CLASP1: variants seen among roughly 807,000 people sequenced by gnomAD.
CLASP1 encodes cytoplasmic linker associated protein 1.
CLASP1 carries 38 observed loss-of-function variants against 192.3 expected under a neutral mutation model. The ratio of observed to expected loss-of-function variants is 0.20; its 90% CI spans 0.15 to 0.26. The LOEUF is 0.26. Ranked by LOEUF, CLASP1 falls within the 10% of genes least tolerant of loss-of-function variation. The pLI is 1.00. For missense variants in CLASP1, 1,433 were observed against 1,932.5 expected (o/e 0.74, Z 4.85); for synonymous variants, 691 against 712.8 (o/e 0.97, Z 0.49).
intron 35 of CLASP1, among the ~76,000 whole-genome samples, chr2:121,366,551 G>C (rs1221312723): frequency 2.0e-5 from 3 of 152,184 alleles, no homozygotes; most frequent in Non-Finnish European, 4.4e-5. Flanking sequence ...GCCTTCTCTG[G>C]TACTAGTGTG....
intron 8 of CLASP1, among the ~76,000 whole-genome samples, chr2:121,480,460 T>C (rs2092501090): frequency 1.3e-5 from 2 of 152,144 alleles, no homozygotes; most frequent in South Asian, 4.1e-4. Flanking sequence ...GATGCAGGCA[T>C]ACTCACAACA....
intron 2 of CLASP1, among the ~76,000 whole-genome samples, chr2:121,549,807 C>T (rs892293777): frequency 6.6e-6 from 1 of 151,196 alleles, no homozygotes; most frequent in Non-Finnish European, 1.5e-5. Flanking sequence ...AGATCGAGAC[C>T]ATCCTGGCTA....
intron 1 of CLASP1, among the ~76,000 whole-genome samples, chr2:121,611,912 T>TGGA (rs1270282834): frequency 1.7e-5 from 2 of 117,378 alleles, no homozygotes; most frequent in Non-Finnish European, 3.6e-5. Flanking sequence ...GAAGAGGAAC[T>TGGA]GGAGGTTGAT....
chr2:121,401,832 CAGAAAACAGATAA>C, intron 27 of CLASP1, 23 bp downstream of exon 28: 1 of 766,190 alleles, frequency 1.3e-6, no homozygotes, highest in Non-Finnish European at 2.4e-6. Flanking sequence ...AAATGTAGTG[CAGAAAACAGATAA>C]AGGAAAAAGA....
chr2:121,432,555 T>A (rs1017106640), intron 19 of CLASP1, among the ~76,000 whole-genome samples: 1 of 152,268 alleles, frequency 6.6e-6, no homozygotes, highest in Non-Finnish European at 1.5e-5. Context: ...ACTGGCATTA[T>A]GTGAAACTCT....
At chr2:121,487,620 G>T (rs1046981785) in intron 8 of CLASP1, among the ~76,000 whole-genome samples, 4 of 152,058 alleles carry the variant, frequency 2.6e-5, no homozygotes, top group African/African-American at 9.7e-5. Context: ...CTTTCATTTT[G>T]GGTTTGCCTG....
chr2:121,468,918 G>A (rs2090157311), intron 9 of CLASP1, among the ~76,000 whole-genome samples: 1 of 152,200 alleles, frequency 6.6e-6, no homozygotes, highest in Admixed American at 6.5e-5. Context: ...TCATCTGAAG[G>A]AAAAGGGGTA....
intron 1 of CLASP1, among the ~76,000 whole-genome samples, chr2:121,611,995 G>C (rs2065642068): frequency 6.6e-6 from 1 of 151,186 alleles, no homozygotes; most frequent in Non-Finnish European, 1.5e-5. Context: ...AGTGGAACTG[G>C]AGGAGGAGGA....
At chr2:121,440,082 A>AT (rs961920007) in intron 19 of CLASP1, among the ~76,000 whole-genome samples, 2 of 130,196 alleles carry the variant, frequency 1.5e-5, no homozygotes, top group South Asian at 2.7e-4. Context: ...TTAAAGTATA[A>AT]TTAAAAAAAA....
intron 2 of CLASP1, among the ~76,000 whole-genome samples, chr2:121,593,686 C>T (rs2062717118): frequency 6.8e-6 from 1 of 147,626 alleles, no homozygotes; most frequent in African/African-American, 2.5e-5. Context: ...AGTGTGTGTT[C>T]CAGAACTGGA....
At chr2:121,501,778 T>C (rs1409430014) in intron 8 of CLASP1, among the ~76,000 whole-genome samples, 1 of 152,188 alleles carries the variant, frequency 6.6e-6, no homozygotes, top group Non-Finnish European at 1.5e-5. Flanking sequence ...CAAGTTACTT[T>C]GAGGAAAAGC....
chr2:121,640,683 G>GA (rs35129398), intron 1 of CLASP1, among the ~76,000 whole-genome samples: 99 of 145,146 alleles, frequency 6.8e-4, no homozygotes, highest in Middle Eastern at 7.2e-3. Context: ...ACCTGAGCTG[G>GA]AAAAAAAAAA....
chr2:121,608,345 G>A (rs1374025668), intron 1 of CLASP1, among the ~76,000 whole-genome samples: 1 of 152,186 alleles, frequency 6.6e-6, no homozygotes, highest in African/African-American at 2.4e-5. Flanking sequence ...CCTCACCCAG[G>A]TGGAGTCCAA....
At chr2:121,480,196 T>C (rs12616602) in intron 8 of CLASP1, among the ~76,000 whole-genome samples, 37,386 of 152,114 alleles carry the variant, frequency 0.25, 7,221 homozygotes, top group African/African-American at 0.53. Flanking sequence ...GGAGGTCAAA[T>C]GGGACGACAC....
chr2:121,596,313 C>T (rs754791257), intron 2 of CLASP1, among the ~76,000 whole-genome samples: 18 of 152,188 alleles, frequency 1.2e-4, no homozygotes, highest in Non-Finnish European at 2.2e-4. Context: ...AGGACAAACA[C>T]TGCAAGGAAA....
At chr2:121,448,311 G>T in exon 18 of CLASP1, 2 of 1,612,900 alleles carry the variant, frequency 1.2e-6, no homozygotes, top group Non-Finnish European at 1.7e-6. Flanking sequence ...ACTTCTTTTG[G>T]CAGACAGCGG....
At chr2:121,524,326 A>AACGATAAT (rs761079547) in intron 6 of CLASP1, among the ~76,000 whole-genome samples, 3 of 152,250 alleles carry the variant, frequency 2.0e-5, no homozygotes, top group Non-Finnish European at 4.4e-5. Context: ...AAGGATACAA[A>AACGATAAT]ACGATAATCT....
chr2:121,643,990 G>A (rs17006676), intron 1 of CLASP1, among the ~76,000 whole-genome samples: 1 of 152,116 alleles, frequency 6.6e-6, no homozygotes, highest in South Asian at 2.1e-4. Context: ...CCAGTGACTT[G>A]ATTACTGCAA....
intron 6 of CLASP1, among the ~76,000 whole-genome samples, chr2:121,518,427 G>A (rs564876839): frequency 1.1e-4 from 16 of 151,924 alleles, no homozygotes; most frequent in Middle Eastern, 3.4e-3. Flanking sequence ...ACCAGAACCC[G>A]GCCTCTAAAA....
Sources: gnomAD v4.1 joint callset for allele counts (sites outside exome capture counted in the v4.1 genomes callset) on GRCh38, gnomAD v4.1.1 for gene constraint, MANE v1.5 for transcripts, NCBI Gene and HGNC (gene_info 2026-07-23, HGNC 2026-07-21) for gene names.